C5AR1: variants seen among roughly 807,000 people sequenced by gnomAD.
The protein encoded by C5AR1 is C5a anaphylatoxin chemotactic receptor 1.
In C5AR1, 4 loss-of-function variants were observed where a neutral mutation model predicts 2.4. The observed-to-expected ratio is 1.65, with a 90% CI of 0.81 to 3.77. The LOEUF (loss-of-function observed/expected upper bound fraction) is 3.77, where lower values mean the gene tolerates loss of function less well. Among genes scored for constraint, C5AR1 ranks in the 30% most tolerant of loss-of-function variants. The pLI is 0.01. For synonymous variants in C5AR1, 209 were observed against 210.4 expected, an observed-to-expected ratio of 0.99 and a Z score of 0.06; for missense variants, 418 against 462.5, an observed-to-expected ratio of 0.90 and a Z score of 0.88.
rs780742063 is a variant in C5AR1 at position 47,319,922 on chromosome 19, C to G, written c.145C>G (p.Leu49Val). The change falls in exon 2 of 2, where the codon CTG (leucine) becomes GTG (valine). Residue 49 changes from leucine to valine, a missense_variant. Leu to Val is a conservative substitution (Grantham distance 32). Coordinates refer to ENST00000355085, the MANE Select transcript of C5AR1 (RefSeq NM_001736.4). Reference sequence around the variant, plus strand: ...CTTGGTCATCTTTGCAGTCGTCTTCCTGGTGGGAGTGCTGGGCAATGCCCT... The same window carrying G: ...CTTGGTCATCTTTGCAGTCGTCTTCGTGGTGGGAGTGCTGGGCAATGCCCT... ...LALVIFAVVFLVGVLGNALVV... is the reference protein window; with the variant it reads ...LALVIFAVVFVVGVLGNALVV... 37 of 1,614,136 alleles carry G rather than the reference C, an allele frequency of 2.3e-5. No homozygotes were observed. Among genetic ancestry groups the G allele is most frequent in the Non-Finnish European group, 3.1e-5 (36 of 1,180,040 alleles).
chr19:47,315,220 G>A (rs930596880), intron 1 of C5AR1, among the ~76,000 whole-genome samples: 1 of 152,078 alleles, frequency 6.6e-6, no homozygotes, highest in African/African-American at 2.4e-5. Flanking sequence ...GTAGTATTCT[G>A]TTGCCTGGAT....
At chr19:47,311,056 A>G (rs1205813517) in intron 1 of C5AR1, among the ~76,000 whole-genome samples, 1 of 152,170 alleles carries the variant, frequency 6.6e-6, no homozygotes, top group African/African-American at 2.4e-5. Context: ...CAAAGAGGAA[A>G]CGGAAGATGG....
upstream of C5AR1, among the ~76,000 whole-genome samples, chr19:47,309,687 C>G (rs956471534): frequency 3.9e-5 from 6 of 152,184 alleles, no homozygotes; most frequent in African/African-American, 9.6e-5. Context: ...CGCCGGCCCC[C>G]CTTCTCTGCC....
rs267605552 is a variant in C5AR1 at position 47,320,480 on chromosome 19, A to G, written c.703A>G (p.Thr235Ala). ...GCTCCGGACGTGGAGCCGCAGGGCC[A>G]CGCGGTCCACCAAGACACTCAAGGT... ...ILLRTWSRRA[T>A]RSTKTLKVVV... is the part of the protein sequence containing the mutation. Residue 235 changes from threonine (T) to alanine (A), a missense_variant, in exon 2 of 2, where the codon ACG becomes GCG. Coordinates refer to ENST00000355085, the MANE Select transcript of C5AR1 (RefSeq NM_001736.4). This position sits in a 1 kb window ranked among gnomAD's most constrained non-coding sequence, Gnocchi z 4.9. 2 of 1,613,628 alleles carry G rather than the reference A, an allele frequency of 1.2e-6. No individual in the cohort carries two copies. Among genetic ancestry groups the G allele is most frequent in the East Asian group, 2.2e-5 (1 of 44,870 alleles).
At position 47,319,304 on chromosome 19, in the gene C5AR1, AT is replaced by A. The variant is rs34731685; in HGVS notation, c.4-455del. ...GGTCCAACTAGCATGGAATCATTTC[AT>A]TTTTTTTTTTTTTTTTTTTTTGAGA... On this transcript the variant is annotated intron_variant, in intron 1 of 1. Coordinates refer to ENST00000355085, the MANE Select transcript of C5AR1 (RefSeq NM_001736.4). 5.7e-3 allele frequency among the ~76,000 whole-genome samples: 537 copies of A among 94,120 alleles called. 3 individuals carry two copies. The highest frequency in any genetic ancestry group is 0.022 in the African/African-American group (503 of 23,146). 61.7% of individuals were successfully genotyped at this position (94,120 alleles called of 152,430 possible).
rs1555807002 is a variant in C5AR1, at chr19:47,317,211, A to AAG, written c.4-2569_4-2568insGA. On this transcript the variant is annotated intron_variant, in intron 1 of 1. Transcript: ENST00000355085. ...CCGTCTCAAAAAAAAAAAAAAAAAAAAAATATAAAACGGGGCTGGGCGTGG... is the reference window on the plus strand; with the variant it reads ...CCGTCTCAAAAAAAAAAAAAAAAAAAAGAAATATAAAACGGGGCTGGGCGTGG... Among the ~76,000 whole-genome samples, 597 of 142,882 alleles carry AAG rather than the reference A, an allele frequency of 4.2e-3. 27 individuals are homozygous for AAG. Among genetic ancestry groups the AAG allele is most frequent in the African/African-American group, 0.014 (536 of 38,476 alleles). 93.7% of individuals were successfully genotyped at this position (142,882 alleles called of 152,430 possible).
intron 1 of C5AR1, 92 bp from the exon 2 acceptor site, chr19:47,319,689 C>A: frequency 1.3e-6 from 1 of 791,128 alleles, no homozygotes; most frequent in Non-Finnish European, 2.1e-6. Flanking sequence ...AAAAGCCACA[C>A]AGGGGAAAAG....
chr19:47,317,896 G>A (rs1292180349), intron 1 of C5AR1, among the ~76,000 whole-genome samples: 6 of 151,288 alleles, frequency 4.0e-5, no homozygotes, highest in South Asian at 2.1e-4. Flanking sequence ...CAGGAGAATC[G>A]CTTGAACCTG....
chr19:47,315,075 G>T (rs2059282021), intron 1 of C5AR1, among the ~76,000 whole-genome samples: 1 of 151,888 alleles, frequency 6.6e-6, no homozygotes, highest in African/African-American at 2.4e-5. Flanking sequence ...TAGGGATAGG[G>T]TCTTGCTAGG....
rs1486318737 is a variant in C5AR1, at chr19:47,320,197, A to G, written c.420A>G (p.Lys140=). ...ISADRFLLVF[K]PIWCQNFRGA... is the part of the protein sequence containing the mutation. ...CCGACCGCTTTCTGCTGGTGTTTAA[A>G]CCCATCTGGTGCCAGAACTTCCGAG... The change falls in exon 2 of 2, where the codon AAA becomes AAG. Residue 140 remains lysine, a synonymous_variant. Transcript: ENST00000355085. The surrounding 1 kb of genome is among the most constrained non-coding windows in gnomAD (Gnocchi z 4.9). The G allele has an allele frequency of 1.2e-6, 2 of 1,613,878 alleles. No homozygotes were observed. Among genetic ancestry groups the G allele is most frequent in the Admixed American group, 1.7e-5 (1 of 59,986 alleles).
chr19:47,318,354 C>G (rs192780188), intron 1 of C5AR1, among the ~76,000 whole-genome samples: 1 of 150,210 alleles, frequency 6.7e-6, no homozygotes, highest in Admixed American at 6.7e-5. Flanking sequence ...AGTGCAGTGT[C>G]GCTATCTCAG....
Position 47,320,151 on chromosome 19 carries a change from T to C in C5AR1, c.374T>C (p.Leu125Pro), listed in dbSNP as rs2059304150. 2 of 1,614,124 alleles carry C rather than the reference T, an allele frequency of 1.2e-6. No individual in the cohort carries two copies. Among genetic ancestry groups the C allele is most frequent in the South Asian group, 2.2e-5 (2 of 91,096 alleles). ...CTGCTCAACATGTACGCCAGCATCC[T>C]GCTCCTGGCCACCATCAGCGCCGAC... ...LILLNMYASI[L>P]LLATISADRF... The change falls in exon 2 of 2, where the codon CTG (leucine) becomes CCG (proline). Residue 125 changes from leucine (L) to proline (P), a missense_variant. Transcript: ENST00000355085. This position sits in a 1 kb window ranked among gnomAD's most constrained non-coding sequence, Gnocchi z 4.9.
At chr19:47,313,959 AC>A (rs2059278379) in intron 1 of C5AR1, among the ~76,000 whole-genome samples, 1 of 152,100 alleles carries the variant, frequency 6.6e-6, no homozygotes, top group African/African-American at 2.4e-5. Context: ...AAGGCTCAGG[AC>A]AGCCTGGCAA....
rs568412101 is a variant in C5AR1 at position 47,320,583 on chromosome 19, A to T, written c.806A>T (p.Glu269Val). The T allele has an allele frequency of 6.2e-7, 1 of 1,613,786 alleles. No homozygotes were observed. Among genetic ancestry groups the T allele is most frequent in the South Asian group, 1.1e-5 (1 of 91,072 alleles). The change falls in exon 2 of 2, where the codon GAG (glutamate) becomes GTG (valine). Residue 269 changes from glutamate to valine, a missense_variant. Physicochemically the swap from Glu to Val is moderately radical, Grantham distance 121 (BLOSUM62 -2). Transcript: ENST00000355085. The surrounding 1 kb of genome is among the most constrained non-coding windows in gnomAD (Gnocchi z 4.9). ...ACGGGGATAATGATGTCCTTCCTGG[A>T]GCCATCGTCACCCACCTTCCTGCTG... The part of the protein sequence containing the change: ...QVTGIMMSFL[E>V]PSSPTFLLLK...
rs371149760 is a variant in C5AR1 at position 47,320,815 on chromosome 19, G to A, written c.1038G>A (p.Lys346=). 5 of 1,610,194 alleles carry A rather than the reference G, an allele frequency of 3.1e-6. No homozygotes were observed. Among genetic ancestry groups the A allele is most frequent in the Middle Eastern group, 1.6e-4 (1 of 6,068 alleles). The change falls in exon 2 of 2, where the codon AAG becomes AAA. Residue 346 remains lysine, a synonymous_variant. Coordinates refer to ENST00000355085, the MANE Select transcript of C5AR1 (RefSeq NM_001736.4). This position sits in a 1 kb window ranked among gnomAD's most constrained non-coding sequence, Gnocchi z 4.9. ...CCACAGTGGACACTATGGCCCAGAAGACCCAGGCAGTGTAGGCGACAGCCT... is the reference window on the plus strand; with the variant it reads ...CCACAGTGGACACTATGGCCCAGAAAACCCAGGCAGTGTAGGCGACAGCCT... ...TRSTVDTMAQ[K]TQAV
chr19:47,320,706 G>A lies in C5AR1; in HGVS notation c.929G>A (p.Arg310Gln), dbSNP rs202112770. ...GTGGCCGGCCAGGGCTTCCAGGGCC[G>A]ACTGCGGAAATCCCTCCCCAGCCTC... Reference protein sequence around the residue: ...YVVAGQGFQGRLRKSLPSLLR... With the variant: ...YVVAGQGFQGQLRKSLPSLLR... The change falls in exon 2 of 2, where the codon CGA becomes CAA. Residue 310 changes from arginine (R) to glutamine (Q), a missense_variant. By Grantham distance (43) the Arg-to-Gln change is conservative. Coordinates refer to ENST00000355085, the MANE Select transcript of C5AR1 (RefSeq NM_001736.4). This position sits in a 1 kb window ranked among gnomAD's most constrained non-coding sequence, Gnocchi z 4.9. The A allele has an allele frequency of 1.2e-5, 20 of 1,613,958 alleles. No individual in the cohort carries two copies. The highest frequency in any genetic ancestry group is 2.7e-5 in the African/African-American group (2 of 74,894).
chr19:47,320,605 G>C lies in C5AR1; in HGVS notation c.828G>C (p.Leu276=). 1 of 1,614,008 alleles carries C rather than the reference G, an allele frequency of 6.2e-7. No individual in the cohort carries two copies. Among genetic ancestry groups the C allele is most frequent in the Non-Finnish European group, 8.5e-7 (1 of 1,179,974 alleles). The part of the protein sequence containing the change: ...SFLEPSSPTF[L]LLKKLDSLCV... ...TGGAGCCATCGTCACCCACCTTCCT[G>C]CTGCTGAAGAAGCTGGACTCCCTGT... Residue 276 remains leucine (L), a synonymous_variant, in exon 2 of 2, where the codon CTG becomes CTC. Transcript: ENST00000355085. This position sits in a 1 kb window ranked among gnomAD's most constrained non-coding sequence, Gnocchi z 4.9.
chr19:47,320,786 C>T lies in C5AR1; in HGVS notation c.1009C>T (p.Arg337Cys), dbSNP rs562011694. Residue 337 changes from arginine to cysteine, a missense_variant, in exon 2 of 2, where the codon CGC becomes TGC. Physicochemically the swap from Arg to Cys is radical, Grantham distance 180. Transcript: ENST00000355085. This position sits in a 1 kb window ranked among gnomAD's most constrained non-coding sequence, Gnocchi z 4.9. Reference sequence around the variant, plus strand: ...GGTTAGGGAGAGCAAGTCATTCACGCGCTCCACAGTGGACACTATGGCCCA... The same window carrying T: ...GGTTAGGGAGAGCAAGTCATTCACGTGCTCCACAGTGGACACTATGGCCCA... ...SVVRESKSFT[R>C]STVDTMAQKT... 29 of 1,614,066 alleles carry T rather than the reference C, an allele frequency of 1.8e-5. No individual in the cohort carries two copies. The highest frequency in any genetic ancestry group is 6.6e-5 in the South Asian group (6 of 91,082).
intron 1 of C5AR1, among the ~76,000 whole-genome samples, chr19:47,315,085 G>T (rs1568660010): frequency 2.0e-5 from 3 of 151,946 alleles, no homozygotes; most frequent in Non-Finnish European, 4.4e-5. Context: ...GTCTTGCTAG[G>T]TTACCCAGGC....
Sources: gnomAD v4.1 joint callset for allele counts (sites outside exome capture counted in the v4.1 genomes callset) on GRCh38, gnomAD v4.1.1 for gene constraint, Gnocchi (gnomAD v3.1) non-coding constraint, MANE v1.5 for transcripts, NCBI Gene and HGNC (gene_info 2026-07-23, HGNC 2026-07-21) for gene names.